The following NRG1 variants were observed in gnomAD, a reference collection of about 807,000 sequenced individuals.
The protein encoded by NRG1 is pro-neuregulin-1, membrane-bound isoform.
In NRG1, 18 loss-of-function variants were observed where a neutral mutation model predicts 63.8. The observed-to-expected ratio is 0.28, with a 90% CI of 0.19 to 0.42. The LOEUF (loss-of-function observed/expected upper bound fraction) is 0.42, where lower values mean the gene tolerates loss of function less well. Ranked by LOEUF, NRG1 falls within the 10% of genes least tolerant of loss-of-function variation. The probability of loss-of-function intolerance (pLI) is 1.00; values close to 1 mark genes in which losing one functional copy is unlikely to be tolerated. For missense variants in NRG1, 762 were observed against 814.7 expected (o/e 0.94, Z 0.79); for synonymous variants, 302 against 301.3 (o/e 1.00, Z -0.02).
chr8:32,466,460 A>G (rs1345997213), intron 1 of NRG1, among the ~76,000 whole-genome samples: 2 of 151,940 alleles, frequency 1.3e-5, no homozygotes, highest in Non-Finnish European at 2.9e-5. Flanking sequence ...TGATGCCAGC[A>G]TTGATGCTTG....
chr8:31,890,997 T>A (rs1831101629), intron 1 of NRG1, among the ~76,000 whole-genome samples: 1 of 152,048 alleles, frequency 6.6e-6, no homozygotes, highest in Non-Finnish European at 1.5e-5. Flanking sequence ...TACACAAAAG[T>A]CAACTGAAAA....
chr8:32,115,042 T>C (rs981161753), intron 1 of NRG1, among the ~76,000 whole-genome samples: 19 of 152,030 alleles, frequency 1.2e-4, no homozygotes, highest in Admixed American at 6.6e-5. Context: ...ATAACTTTTT[T>C]TTTTTTCAGA....
At chr8:31,781,534 C>T (rs1356506056) in intron 1 of NRG1, among the ~76,000 whole-genome samples, 1 of 152,128 alleles carries the variant, frequency 6.6e-6, no homozygotes, top group Non-Finnish European at 1.5e-5. Flanking sequence ...AAGGAGATGG[C>T]ACTGGTCATC....
At chr8:32,571,352 AAGG>A (rs1179154395) in intron 1 of NRG1, among the ~76,000 whole-genome samples, 3 of 152,288 alleles carry the variant, frequency 2.0e-5, no homozygotes, top group Admixed American at 6.5e-5. Context: ...ATGTGCATAC[AAGG>A]AGATTTTCAA....
At chr8:31,737,655 G>A (rs1175366713) in intron 1 of NRG1, among the ~76,000 whole-genome samples, 3 of 152,014 alleles carry the variant, frequency 2.0e-5, no homozygotes, top group Non-Finnish European at 4.4e-5. Flanking sequence ...AGAATTTGAG[G>A]GTTAACTCAT....
chr8:32,375,538 A>T (rs1351168279), intron 1 of NRG1, among the ~76,000 whole-genome samples: 1 of 152,280 alleles, frequency 6.6e-6, no homozygotes, highest in Non-Finnish European at 1.5e-5. Context: ...TCCTTAGCCC[A>T]GAGTTAGAAA....
intron 5 of NRG1, among the ~76,000 whole-genome samples, chr8:32,657,246 G>A (rs946382585): frequency 6.6e-6 from 1 of 151,692 alleles, no homozygotes; most frequent in African/African-American, 2.4e-5. Flanking sequence ...CTGTATTGGT[G>A]TACAATGTAA....
intron 1 of NRG1, among the ~76,000 whole-genome samples, chr8:32,486,455 G>A (rs1343725943): frequency 6.6e-6 from 1 of 152,098 alleles, no homozygotes; most frequent in Non-Finnish European, 1.5e-5. Context: ...ATCTGGAGAA[G>A]CCTTTGATAA....
chr8:32,141,605 T>TATATAC, intron 1 of NRG1, among the ~76,000 whole-genome samples: 1 of 108,872 alleles, frequency 9.2e-6, no homozygotes, highest in Non-Finnish European at 2.1e-5. Flanking sequence ...TATATATATA[T>TATATAC]ATATATATAT....
chr8:32,320,094 G>A (rs1563311262), intron 1 of NRG1, among the ~76,000 whole-genome samples: 1 of 152,064 alleles, frequency 6.6e-6, no homozygotes, highest in Non-Finnish European at 1.5e-5. Flanking sequence ...TTAAATTGCT[G>A]GATCTTGTTT....
intron 1 of NRG1, among the ~76,000 whole-genome samples, chr8:31,909,195 A>G (rs1343388267): frequency 6.6e-6 from 1 of 152,220 alleles, no homozygotes; most frequent in Non-Finnish European, 1.5e-5. Flanking sequence ...TTCATTATTA[A>G]GTATTTCAGA....
At chr8:32,448,363 A>T (rs1820531605) in intron 1 of NRG1, among the ~76,000 whole-genome samples, 1 of 152,142 alleles carries the variant, frequency 6.6e-6, no homozygotes, top group African/African-American at 2.4e-5. Flanking sequence ...AGGATTTCTA[A>T]CCAGGTTATT....
At chr8:32,545,347 G>C (rs1832968912), upstream of NRG1, among the ~76,000 whole-genome samples, 5 of 152,124 alleles carry the variant, frequency 3.3e-5, no homozygotes, top group South Asian at 1.0e-3. Flanking sequence ...TTTTTATCAG[G>C]AGTTATGTTG....
At chr8:31,689,975 T>G (rs975379851) in intron 1 of NRG1, among the ~76,000 whole-genome samples, 2 of 152,224 alleles carry the variant, frequency 1.3e-5, no homozygotes, top group African/African-American at 4.8e-5. Flanking sequence ...AAATCTCATC[T>G]TGAATTGTAG....
intron 1 of NRG1, among the ~76,000 whole-genome samples, chr8:32,391,106 A>ATG (rs767687752): frequency 1.7e-4 from 26 of 151,448 alleles, no homozygotes; most frequent in African/African-American, 5.8e-4. Flanking sequence ...TGGTTTCTGT[A>ATG]TGTGTGTGTG....
chr8:32,232,436 A>C (rs764843490), intron 1 of NRG1, among the ~76,000 whole-genome samples: 10 of 152,174 alleles, frequency 6.6e-5, no homozygotes, highest in Non-Finnish European at 1.5e-4. Flanking sequence ...TTTAAAAGTA[A>C]GATCAATTCC....
intron 1 of NRG1, among the ~76,000 whole-genome samples, chr8:32,283,212 T>C (rs1853092477): frequency 6.6e-6 from 1 of 152,230 alleles, no homozygotes; most frequent in African/African-American, 2.4e-5. Flanking sequence ...TTTTCATTGC[T>C]TTGATAATTG....
intron 2 of NRG1, among the ~76,000 whole-genome samples, chr8:32,600,740 T>C (rs547957071): frequency 2.6e-5 from 4 of 152,268 alleles, no homozygotes; most frequent in Admixed American, 6.5e-5. Context: ...CTAACACTTA[T>C]TGGGAAGTTA....
At chr8:32,121,785 C>A (rs1833487021) in intron 1 of NRG1, among the ~76,000 whole-genome samples, 1 of 151,936 alleles carries the variant, frequency 6.6e-6, no homozygotes, top group Non-Finnish European at 1.5e-5. Context: ...GAGGCCCCAG[C>A]AATAGACCCC....
Sources: allele counts gnomAD v4.1 joint callset (sites outside exome capture counted in the v4.1 genomes callset), GRCh38; gene constraint gnomAD v4.1.1; transcripts MANE v1.5; gene names NCBI Gene and HGNC (gene_info 2026-07-23, HGNC 2026-07-21).